Variants in YBEY observed in about 807,000 individuals in gnomAD.
YBEY encodes endoribonuclease YbeY.
In YBEY, 15 loss-of-function variants were observed where a neutral mutation model predicts 13.5. The ratio of observed to expected loss-of-function variants is 1.11; its 90% confidence interval spans 0.75 to 1.72. YBEY has a LOEUF of 1.72. Ranked by LOEUF, YBEY falls within the 40% of genes most tolerant of loss-of-function variation. The pLI is 0.00. For missense variants in YBEY, 244 were observed against 208.4 expected, an observed-to-expected ratio of 1.17 and a Z score of -1.05; for synonymous variants, 101 against 83.1, an observed-to-expected ratio of 1.21 and a Z score of -1.17.
Position 46,286,971 on chromosome 21 carries a change from C to G in YBEY, c.58C>G (p.Arg20Gly), listed in dbSNP as rs765350304. 1 of 1,613,988 alleles carries G rather than the reference C, an allele frequency of 6.2e-7. No individual in the cohort carries two copies. The highest frequency in any genetic ancestry group is 1.1e-5 in the South Asian group (1 of 91,076). ...RVIPIRRAPL[R>G]SKIEIVRRIL... ...CATCCCCATCAGGAGAGCGCCACTTCGCAGTAAGATCGAGATTGTAAGGAG... is the reference window on the plus strand; with the variant it reads ...CATCCCCATCAGGAGAGCGCCACTTGGCAGTAAGATCGAGATTGTAAGGAG... The change falls in exon 2 of 5, where the codon CGC becomes GGC. Residue 20 changes from arginine (R) to glycine (G), a missense_variant. Transcript: ENST00000397701.
the YBEY span, among the ~76,000 whole-genome samples, chr21:46,303,745 A>ATTTT: frequency 4.2e-5 from 1 of 23,822 alleles, no homozygotes; most frequent in Non-Finnish European, 7.1e-5. Flanking sequence ...ATATATATAT[A>ATTTT]TTTTTTTTTT....
chr21:46,288,882 C>T (rs950549781), intron 2 of YBEY, among the ~76,000 whole-genome samples: 2 of 151,862 alleles, frequency 1.3e-5, no homozygotes, highest in Admixed American at 1.3e-4. Flanking sequence ...ATTAGCCGGG[C>T]ATGGTGGTGT....
At chr21:46,289,443 TTTG>T (rs1260351053) in intron 2 of YBEY, among the ~76,000 whole-genome samples, 2 of 133,522 alleles carry the variant, frequency 1.5e-5, no homozygotes, top group African/African-American at 2.6e-5. Context: ...AGGCAAGGGT[TTTG>T]TTTTTTTTTT....
At chr21:46,296,004 A>G (rs2081941475) in intron 3 of YBEY, among the ~76,000 whole-genome samples, 158 bp from the exon 4 acceptor site, 1 of 152,122 alleles carries the variant, frequency 6.6e-6, no homozygotes, top group Non-Finnish European at 1.5e-5. Context: ...ATGGAAGGGA[A>G]CTGAAGCTGA....
the YBEY span, chr21:46,311,726 T>C: frequency 1.9e-3 from 775 of 417,658 alleles, no homozygotes; most frequent in Admixed American, 3.3e-3. Flanking sequence ...CATCCACCCA[T>C]CCATCCAACC....
chr21:46,291,667 G>T, intron 3 of YBEY: 10 of 1,351,646 alleles, frequency 7.4e-6, no homozygotes, highest in Non-Finnish European at 8.5e-6. Flanking sequence ...GAGAGAACAC[G>T]CTGTGAAAAC....
intron 2 of YBEY, among the ~76,000 whole-genome samples, chr21:46,290,288 C>T (rs1297046807): frequency 6.6e-6 from 1 of 152,058 alleles, no homozygotes; most frequent in African/African-American, 2.4e-5. Flanking sequence ...TCACTGCAAC[C>T]TCCGCCTCCC....
At chr21:46,312,705 G>A in the YBEY span, among the ~76,000 whole-genome samples, 1 of 152,186 alleles carries the variant, frequency 6.6e-6, no homozygotes, top group African/African-American at 2.4e-5. Flanking sequence ...CTTTAATAGA[G>A]ATGCAGTGGT....
At chr21:46,301,154 A>AT (rs11443408), downstream of YBEY, 913,305 of 913,350 alleles carry the variant, frequency 1, 456,631 homozygotes, top group Middle Eastern at 1. Flanking sequence ...TTTTTATTTT[A>AT]TTTTTGAGAC....
At chr21:46,309,425 T>A in the YBEY span, among the ~76,000 whole-genome samples, 3 of 147,572 alleles carry the variant, frequency 2.0e-5, no homozygotes, top group African/African-American at 7.6e-5. Flanking sequence ...TTGCGCCACT[T>A]CACTCAAGCC....
chr21:46,286,424 G>C lies in YBEY; in HGVS notation c.-45+9G>C, dbSNP rs1005299172. 1.0e-4 allele frequency: 16 copies of C among 156,122 alleles called. No individual in the cohort carries two copies. The highest frequency in any genetic ancestry group is 1.8e-4 in the Non-Finnish European group (13 of 70,628). The allele number at this position is 156,122 out of a possible 1,614,324, so 9.7% of individuals were successfully genotyped here. On this transcript the variant is annotated intron_variant, in intron 1 of 4. Transcript: ENST00000397701. ...GCTGGGTCCAGACACCGGTACGTCC[G>C]GGCGGGTTTTTAGTCTCCCAAGCGA...
chr21:46,302,438 C>T (rs1276315411), downstream of YBEY: 2 of 1,436,834 alleles, frequency 1.4e-6, no homozygotes, highest in African/African-American at 1.4e-5. Context: ...AAAAACCACC[C>T]AGGCCCTGTT....
the YBEY span, among the ~76,000 whole-genome samples, chr21:46,307,084 C>T: frequency 2.0e-5 from 3 of 150,688 alleles, no homozygotes; most frequent in African/African-American, 2.4e-5. Flanking sequence ...TTAGTAGACA[C>T]GGGATTTCAC....
intron 3 of YBEY, 39 bp from the exon 4 acceptor site, chr21:46,296,123 G>A: frequency 1.2e-6 from 2 of 1,612,490 alleles, no homozygotes; most frequent in Admixed American, 1.7e-5. Context: ...AGGTTCCTGT[G>A]GGGTCATCCT....
At chr21:46,289,620 T>C (rs982654947) in intron 2 of YBEY, among the ~76,000 whole-genome samples, 5 of 151,792 alleles carry the variant, frequency 3.3e-5, no homozygotes, top group Non-Finnish European at 5.9e-5. Flanking sequence ...TAATTTTTTT[T>C]TTTTTGTATT....
downstream of YBEY, among the ~76,000 whole-genome samples, chr21:46,298,988 C>T (rs1313928025): frequency 6.6e-6 from 1 of 151,648 alleles, no homozygotes; most frequent in Non-Finnish European, 1.5e-5. Flanking sequence ...TCCCAAAGTG[C>T]TGGGATCACA....
At chr21:46,287,452 G>C (rs2081499224) in intron 2 of YBEY, among the ~76,000 whole-genome samples, 1 of 152,006 alleles carries the variant, frequency 6.6e-6, no homozygotes. Context: ...TGCCTGCCTC[G>C]GGCTTCCCAG....
the YBEY span, among the ~76,000 whole-genome samples, chr21:46,310,988 C>T: frequency 6.6e-6 from 1 of 151,936 alleles, no homozygotes; most frequent in Non-Finnish European, 1.5e-5. Context: ...TCTCCTGCCT[C>T]AGCCTCCCAA....
downstream of YBEY, among the ~76,000 whole-genome samples, chr21:46,298,366 T>C (rs1180114471): frequency 1.3e-5 from 2 of 152,058 alleles, no homozygotes; most frequent in African/African-American, 2.4e-5. Flanking sequence ...TTCTGTTTAC[T>C]GTGAGACATA....
Sources: allele counts gnomAD v4.1 joint callset (sites outside exome capture counted in the v4.1 genomes callset), GRCh38; gene constraint gnomAD v4.1.1; transcripts MANE v1.5; gene names NCBI Gene and HGNC (gene_info 2026-07-23, HGNC 2026-07-21).